The following CDK14 variants were observed in gnomAD, a reference collection of about 807,000 sequenced individuals.
The protein encoded by CDK14 is cyclin dependent kinase 14.
In CDK14, 34 loss-of-function variants were observed where a neutral mutation model predicts 60.7. The ratio of observed to expected loss-of-function variants is 0.56; its 90% confidence interval spans 0.43 to 0.75. CDK14 has a LOEUF of 0.75. Among genes scored for constraint, CDK14 ranks in the 30% least tolerant of loss-of-function variants. The pLI is 0.00. For missense variants in CDK14, 482 were observed against 564.1 expected (o/e 0.85, Z 1.47); for synonymous variants, 197 against 203.7 (o/e 0.97, Z 0.28).
At chr7:90,809,601 A>G in intron 5 of CDK14, among the ~76,000 whole-genome samples, 1 of 152,222 alleles carries the variant, frequency 6.6e-6, no homozygotes. Context: ...AAGCTAGCAG[A>G]AGGCAAGAAA....
At chr7:90,639,846 G>T (rs1800274507) in intron 2 of CDK14, among the ~76,000 whole-genome samples, 1 of 152,108 alleles carries the variant, frequency 6.6e-6, no homozygotes, top group Non-Finnish European at 1.5e-5. Flanking sequence ...CCCCAGCCTG[G>T]CTGCTACCTT....
At chr7:91,015,607 A>G (rs981483158) in intron 10 of CDK14, among the ~76,000 whole-genome samples, 4 of 138,696 alleles carry the variant, frequency 2.9e-5, no homozygotes, top group African/African-American at 8.1e-5. Flanking sequence ...GGCTCACTGC[A>G]AGCTCCGCCT....
intron 4 of CDK14, among the ~76,000 whole-genome samples, chr7:90,763,851 T>G (rs980685280): frequency 2.0e-5 from 3 of 152,152 alleles, no homozygotes; most frequent in Non-Finnish European, 4.4e-5. Context: ...AATGGCTTTG[T>G]ATAGAGGGGG....
intron 5 of CDK14, among the ~76,000 whole-genome samples, chr7:90,807,014 C>T (rs1020350993): frequency 2.0e-5 from 3 of 152,184 alleles, no homozygotes; most frequent in Non-Finnish European, 4.4e-5. Context: ...GGAGGCCTGC[C>T]TGCCTCTGTA....
At chr7:90,933,830 C>T (rs1356823881) in intron 8 of CDK14, among the ~76,000 whole-genome samples, 1 of 152,180 alleles carries the variant, frequency 6.6e-6, no homozygotes, top group African/African-American at 2.4e-5. Context: ...TGCTGTGTAG[C>T]CATGAGCAGA....
At position 90,726,601 on chromosome 7, in the gene CDK14, A is replaced by G. The variant is rs774434672; in HGVS notation, c.158A>G (p.Gln53Arg). The change falls in exon 3 of 15, where the codon CAG becomes CGG. Residue 53 changes from glutamine to arginine, a missense_variant. Coordinates refer to ENST00000380050, the MANE Select transcript of CDK14 (RefSeq NM_001287135.2). The part of the protein sequence containing the change: ...CVTKMSTRNC[Q>R]GMDSVIKPLD... ...ACAAAGATGTCTACACGGAACTGCC[A>G]GGGAATGGACTCAGTGATCAAACCC... 6.2e-7 allele frequency: 1 copy of G among 1,613,542 alleles called. No individual in the cohort carries two copies. Among genetic ancestry groups the G allele is most frequent in the Non-Finnish European group, 8.5e-7 (1 of 1,179,688 alleles).
At chr7:90,720,409 G>A (rs945976032) in intron 2 of CDK14, among the ~76,000 whole-genome samples, 39 of 152,266 alleles carry the variant, frequency 2.6e-4, no homozygotes, top group Admixed American at 2.0e-3. Context: ...ATGTCTGAGG[G>A]TCTCCTGTAT....
Position 90,764,326 on chromosome 7 carries a change from AG to A in CDK14, c.464+16552del, listed in dbSNP as rs113261432. On this transcript the variant is annotated intron_variant, in intron 4 of 14. Transcript: ENST00000380050. ...CTCGTAACATAAATGTTAGGCTTAG[AG>A]TAATTCAAGATAGCTGAAATGCTGG... Among the ~76,000 whole-genome samples, 1,361 of 152,332 alleles carry A rather than the reference AG, an allele frequency of 8.9e-3. 28 individuals carry two copies. The highest frequency in any genetic ancestry group is 0.031 in the African/African-American group (1,309 of 41,570).
At chr7:90,721,054 T>G (rs886544530) in intron 2 of CDK14, among the ~76,000 whole-genome samples, 47 of 152,338 alleles carry the variant, frequency 3.1e-4, no homozygotes, top group African/African-American at 1.0e-3. Flanking sequence ...CTTTTTAATC[T>G]TGTTTATCTC....
chr7:90,904,624 G>T (rs571694183), intron 7 of CDK14, among the ~76,000 whole-genome samples: 2 of 152,128 alleles, frequency 1.3e-5, no homozygotes, highest in Admixed American at 6.6e-5. Context: ...TAATCTAGGG[G>T]ATCCCACATC....
In CDK14 at chr7:90,822,012, C is replaced by T. The variant is rs570841117; in HGVS notation, c.544+31360C>T. 3.9e-5 allele frequency among the ~76,000 whole-genome samples: 6 copies of T among 152,346 alleles called. No individual in the cohort carries two copies. The East Asian group carries it at 5.8e-4, about 15-fold the overall frequency. The stretch of plus-strand genomic sequence containing the variant: ...TAAGTCTTCTGTTCATCTTTAATCC[C>T]CTGCGGGTGAATCAATCCTGCTTAT... On this transcript the variant is annotated intron_variant, in intron 5 of 14. Coordinates refer to ENST00000380050, the MANE Select transcript of CDK14 (RefSeq NM_001287135.2).
intron 4 of CDK14, among the ~76,000 whole-genome samples, chr7:90,790,152 A>G (rs751687681): frequency 5.3e-5 from 8 of 151,612 alleles, no homozygotes; most frequent in Non-Finnish European, 1.2e-4. Flanking sequence ...GTCCTTGGGA[A>G]TTGAATGACC....
chr7:90,903,886 G>A (rs1441535552), intron 7 of CDK14, among the ~76,000 whole-genome samples: 2 of 152,156 alleles, frequency 1.3e-5, no homozygotes, highest in Non-Finnish European at 2.9e-5. Context: ...CGCAGGAAAT[G>A]TGGGCATTTG....
At chr7:90,656,297 G>C (rs777468333) in intron 2 of CDK14, among the ~76,000 whole-genome samples, 3 of 151,984 alleles carry the variant, frequency 2.0e-5, no homozygotes, top group Non-Finnish European at 4.4e-5. Context: ...TTTGATACCT[G>C]AAACTAAATA....
chr7:90,612,367 C>T (rs899237584), intron 2 of CDK14, among the ~76,000 whole-genome samples: 5 of 152,164 alleles, frequency 3.3e-5, no homozygotes, highest in African/African-American at 9.7e-5. Context: ...GATATGGTCT[C>T]AGCCTGACTC....
chr7:90,721,876 T>C (rs1211605574), intron 2 of CDK14, among the ~76,000 whole-genome samples: 2 of 152,136 alleles, frequency 1.3e-5, no homozygotes, highest in African/African-American at 4.8e-5. Flanking sequence ...ACCATAAGCA[T>C]TTTGCTGTGG....
chr7:90,658,482 C>T (rs1003402419), intron 2 of CDK14, among the ~76,000 whole-genome samples: 2 of 152,156 alleles, frequency 1.3e-5, no homozygotes, highest in Admixed American at 6.5e-5. Context: ...CCTCGTAATA[C>T]CATCATATTG....
At chr7:91,052,628 G>C (rs962073798) in intron 11 of CDK14, among the ~76,000 whole-genome samples, 1 of 152,124 alleles carries the variant, frequency 6.6e-6, no homozygotes, top group Non-Finnish European at 1.5e-5. Flanking sequence ...TTATTCAGAT[G>C]CTCAAAAAGG....
At chr7:90,743,035 A>G (rs1803417855) in intron 3 of CDK14, among the ~76,000 whole-genome samples, 1 of 152,124 alleles carries the variant, frequency 6.6e-6, no homozygotes, top group African/African-American at 2.4e-5. Flanking sequence ...ATTTTATACA[A>G]TATTTTAAAT....
Sources: allele counts gnomAD v4.1 joint callset (sites outside exome capture counted in the v4.1 genomes callset), GRCh38; gene constraint gnomAD v4.1.1; transcripts MANE v1.5; gene names NCBI Gene and HGNC (gene_info 2026-07-23, HGNC 2026-07-21).